FAM131C: variants seen among roughly 807,000 people sequenced by gnomAD.
FAM131C encodes protein FAM131C.
Under a neutral mutation model 29.8 loss-of-function variants are expected in FAM131C, and 14 were observed. The ratio of observed to expected loss-of-function variants is 0.47; its 90% CI spans 0.31 to 0.73. The LOEUF is 0.73. FAM131C is among the 30% of genes least tolerant of loss of function. The pLI, the probability that FAM131C is intolerant of heterozygous loss-of-function variation, is 0.05. For missense variants in FAM131C, 252 were observed against 383.8 expected (o/e 0.66, Z 2.87); for synonymous variants, 86 against 157.8 (o/e 0.54, Z 3.41).
At chr1:16,067,257 G>T (rs2023693824) in intron 1 of FAM131C, among the ~76,000 whole-genome samples, 1 of 152,190 alleles carries the variant, frequency 6.6e-6, no homozygotes, top group South Asian at 2.1e-4. Flanking sequence ...GGGACGTCAG[G>T]TAATGAACCA....
intron 1 of FAM131C, among the ~76,000 whole-genome samples, chr1:16,065,208 TC>T (rs112158999): frequency 0.08 from 12,135 of 151,978 alleles, 1,394 homozygotes; most frequent in African/African-American, 0.25. Flanking sequence ...AGGTCCACCT[TC>T]CCCCCATCCC....
chr1:16,065,538 T>C (rs909073788), intron 1 of FAM131C, among the ~76,000 whole-genome samples: 1 of 152,234 alleles, frequency 6.6e-6, no homozygotes, highest in East Asian at 1.9e-4. Context: ...CCTGGCGCCC[T>C]GCATGGCTTC....
intron 2 of FAM131C, among the ~76,000 whole-genome samples, chr1:16,063,168 T>A (rs1018906529): frequency 4.7e-5 from 7 of 148,370 alleles, no homozygotes; most frequent in African/African-American, 1.7e-4. Context: ...AAGTTATATA[T>A]TATATATTTA....
chr1:16,063,587 G>A lies in FAM131C; in HGVS notation c.72C>T (p.Asp24=). ...HKNCPMPQGA[D]PLNPDLPSGR... ...CCGAGGGCAGATCTGGGTTCAAGGG[G>A]TCCGCACCCTGGGGCATGGGGCAGT... Residue 24 remains aspartate, a synonymous_variant, in exon 2 of 7, where the codon GAC becomes GAT. Coordinates refer to ENST00000375662, the MANE Select transcript of FAM131C (RefSeq NM_182623.3). 1.2e-6 allele frequency: 2 copies of A among 1,613,820 alleles called. No homozygotes were observed. Among genetic ancestry groups the A allele is most frequent in the Non-Finnish European group, 1.7e-6 (2 of 1,179,844 alleles).
chr1:16,071,384 G>A (rs1374808845), intron 1 of FAM131C, among the ~76,000 whole-genome samples: 3 of 152,216 alleles, frequency 2.0e-5, no homozygotes, highest in Admixed American at 6.5e-5. Flanking sequence ...TTTCCCACTT[G>A]TAAGATAGGG....
intron 1 of FAM131C, among the ~76,000 whole-genome samples, chr1:16,069,034 C>T (rs2023717993): frequency 6.6e-6 from 1 of 152,200 alleles, no homozygotes; most frequent in South Asian, 2.1e-4. Context: ...ACCCACACAA[C>T]AATCCTGCAA....
chr1:16,063,249 C>T (rs1043910288), intron 2 of FAM131C, among the ~76,000 whole-genome samples: 9 of 151,492 alleles, frequency 5.9e-5, no homozygotes, highest in African/African-American at 1.5e-4. Flanking sequence ...GGGCTGGTAG[C>T]GGCATGTGTT....
chr1:16,060,084 T>C, intron 4 of FAM131C, 33 bp from the exon 5 acceptor site: 1 of 1,198,506 alleles, frequency 8.3e-7, no homozygotes, highest in African/African-American at 1.5e-5. Context: ...GTGACTGTCC[T>C]GACACAAGGC....
chr1:16,060,794 A>C (rs1384179451), intron 4 of FAM131C, among the ~76,000 whole-genome samples: 1 of 152,180 alleles, frequency 6.6e-6, no homozygotes, highest in Non-Finnish European at 1.5e-5. Context: ...AACCAGGTGG[A>C]GGGCTCAGAT....
In FAM131C at chr1:16,062,128, A is replaced by T; in HGVS notation, c.239T>A (p.Val80Glu). ...AAGGGACGAGGTGGCCAGGGCTGCC[A>T]CGTTGTAGTTGCCGGGGCGGGATCT... ...DSRSRPGNYN[V>E]AALATSSLVG... Residue 80 changes from valine to glutamate, a missense_variant, in exon 4 of 7, where the codon GTG becomes GAG. Transcript: ENST00000375662. The T allele has an allele frequency of 6.2e-7, 1 of 1,611,890 alleles. No individual in the cohort carries two copies. Among genetic ancestry groups the T allele is most frequent in the South Asian group, 1.1e-5 (1 of 90,954 alleles).
intron 1 of FAM131C, among the ~76,000 whole-genome samples, chr1:16,063,931 T>A (rs944725650): frequency 1.3e-5 from 2 of 152,048 alleles, no homozygotes; most frequent in African/African-American, 4.8e-5. Flanking sequence ...TTTACCCTCA[T>A]ATTTCCAGAC....
chr1:16,063,707 C>T (rs1002674328), intron 1 of FAM131C, 71 bp from the exon 2 acceptor site: 8 of 1,052,674 alleles, frequency 7.6e-6, no homozygotes, highest in African/African-American at 4.8e-5. Flanking sequence ...ATGTTCAAGG[C>T]CCCCCCGTAA....
chr1:16,073,509 C>T lies in FAM131C; in HGVS notation c.-67G>A. ...GGGCCGCGGGGCGTTCATGTCTCCG[C>T]GGGCCCGGGGCTGAGCGCTGCGGAG... On this transcript the variant is annotated 5_prime_UTR_variant, in exon 1 of 7. Coordinates refer to ENST00000375662, the MANE Select transcript of FAM131C (RefSeq NM_182623.3). 1 of 1,029,760 alleles carries T rather than the reference C, an allele frequency of 9.7e-7. No homozygotes were observed. The highest frequency in any genetic ancestry group is 3.9e-5 in the East Asian group (1 of 25,862). The allele number at this position is 1,029,760 out of a possible 1,614,324, so 63.8% of individuals were successfully genotyped here.
rs1189832298 is a variant in FAM131C, at chr1:16,059,922, T to G, written c.398A>C (p.Asp133Ala). The G allele has an allele frequency of 1.4e-5, 22 of 1,530,656 alleles. No homozygotes were observed. Among genetic ancestry groups the G allele is most frequent in the Non-Finnish European group, 1.9e-5 (22 of 1,138,626 alleles). 94.8% of individuals were successfully genotyped at this position (1,530,656 alleles called of 1,614,324 possible). Reference sequence around the variant, plus strand: ...ATCCGGGAGGCAGCAGTAATGCTCGTCCTCAGCTGGGGACAGCTCCCAGCC... The same window carrying G: ...ATCCGGGAGGCAGCAGTAATGCTCGGCCTCAGCTGGGGACAGCTCCCAGCC... ...PAGWELSPAE[D>A]EHYCCLPDEL... Residue 133 changes from aspartate (D) to alanine (A), a missense_variant, in exon 5 of 7, where the codon GAC becomes GCC. Physicochemically the swap from Asp to Ala is moderately radical, Grantham distance 126 (BLOSUM62 -2). Around this residue, in one of 6 missense-constraint regions of FAM131C, gnomAD observed 38 missense variants for 32.7 expected, o/e 1.16. Transcript: ENST00000375662.
In FAM131C at chr1:16,063,534, C is replaced by T. The variant is rs1322686985; in HGVS notation, c.125G>A (p.Cys42Tyr). ...SGRTPTVAPD[C>Y]VIGKDKQMDF... ...GCAGCCAGTTACCTTGCCAATGACA[C>T]AGTCTGGAGCCACGGTGGGAGTGCG... The change falls in exon 2 of 7, where the codon TGT becomes TAT. Residue 42 changes from cysteine to tyrosine, a missense_variant. By Grantham distance (194) the Cys-to-Tyr change is radical. This residue lies in a region of FAM131C where 76 missense variants were observed against 62.8 expected (regional missense o/e 1.21). Transcript: ENST00000375662. 6.2e-7 allele frequency: 1 copy of T among 1,613,448 alleles called. No individual in the cohort carries two copies. The highest frequency in any genetic ancestry group is 8.5e-7 in the Non-Finnish European group (1 of 1,179,636).
Position 16,062,398 on chromosome 1 carries a change from C to T in FAM131C, c.174+101G>A, listed in dbSNP as rs1183752093. On this transcript the variant is annotated intron_variant, in intron 3 of 6. Transcript: ENST00000375662. ...TCATCAGGCCCCCCCCCCCCCCGCCCCAGGGCCAGCAGGACTGTGTGCCTG... is the reference window on the plus strand; with the variant it reads ...TCATCAGGCCCCCCCCCCCCCCGCCTCAGGGCCAGCAGGACTGTGTGCCTG... 13 of 1,390,302 alleles carry T rather than the reference C, an allele frequency of 9.4e-6. No homozygotes were observed. In the African/African-American group the frequency reaches 1.1e-4, roughly 11 times the overall value. The allele number at this position is 1,390,302 out of a possible 1,614,324, so 86.1% of individuals were successfully genotyped here.
chr1:16,070,202 C>T (rs895793499), intron 1 of FAM131C, among the ~76,000 whole-genome samples: 16 of 152,218 alleles, frequency 1.1e-4, no homozygotes, highest in African/African-American at 3.9e-4. Context: ...CTGAGCCCCA[C>T]ATCCCTTGTC....
intron 4 of FAM131C, among the ~76,000 whole-genome samples, chr1:16,060,579 A>G (rs1310560637): frequency 3.3e-5 from 5 of 151,404 alleles, no homozygotes; most frequent in Non-Finnish European, 7.4e-5. Context: ...GGAAGAGGGG[A>G]CCTGGGATTG....
intron 1 of FAM131C, among the ~76,000 whole-genome samples, chr1:16,069,899 C>T (rs559380098): frequency 6.6e-6 from 1 of 152,188 alleles, no homozygotes; most frequent in East Asian, 1.9e-4. Context: ...ATAGCTGGGA[C>T]TACCAGCACA....
Sources: allele counts gnomAD v4.1 joint callset (sites outside exome capture counted in the v4.1 genomes callset), GRCh38; gene constraint gnomAD v4.1.1; regional missense constraint gnomAD v4.1.1; transcripts MANE v1.5; gene names NCBI Gene and HGNC (gene_info 2026-07-23, HGNC 2026-07-21).